PIEZO2: variants seen among roughly 807,000 people sequenced by gnomAD.
PIEZO2 encodes the protein piezo-type mechanosensitive ion channel component 2.
PIEZO2 carries 172 observed loss-of-function variants against 337.3 expected under a neutral mutation model. That is an observed-to-expected ratio of 0.51 (90% CI 0.45 to 0.58). PIEZO2 has a LOEUF of 0.58. Ranked by LOEUF, PIEZO2 falls within the 20% of genes least tolerant of loss-of-function variation. The pLI, the probability that PIEZO2 is intolerant of heterozygous loss-of-function variation, is 0.00. For synonymous variants in PIEZO2, 1,251 were observed against 1,228.5 expected (o/e 1.02, Z -0.38); for missense variants, 3,028 against 3,391.3 (o/e 0.89, Z 2.66).
rs2034714462 is a variant in PIEZO2 at position 10,689,695 on chromosome 18, G to A, written c.7457C>T (p.Ala2486Val). ...SSWICVEDIY[A>V]HIFILKCWRE... ...CCAACACTTCAGGATGAATATGTGA[G>A]CATAGATGTCCTCCACACAGATCCA... The change falls in exon 49 of 56, where the codon GCT (alanine) becomes GTT (valine). Residue 2486 changes from alanine (A) to valine (V), a missense_variant. Physicochemically the swap from Ala to Val is moderately conservative, Grantham distance 64. This residue lies in a region of PIEZO2 where 179 missense variants were observed against 281.8 expected (regional missense o/e 0.64). Coordinates refer to ENST00000674853, the MANE Select transcript of PIEZO2 (RefSeq NM_001378183.1). The A allele has an allele frequency of 6.2e-7, 1 of 1,614,134 alleles. No individual in the cohort carries two copies. The highest frequency in any genetic ancestry group is 1.7e-5 in the Admixed American group (1 of 60,006).
intron 36 of PIEZO2, among the ~76,000 whole-genome samples, chr18:10,722,561 G>A (rs2036363102): frequency 6.6e-6 from 1 of 151,714 alleles, no homozygotes; most frequent in Non-Finnish European, 1.5e-5. Flanking sequence ...ATGGAAACCT[G>A]GAAACTGCAA....
rs1182000885 is a variant in PIEZO2, at chr18:10,671,689, T to C, written c.8436A>G (p.Glu2812=). Residue 2812 remains glutamate (E), a synonymous_variant, in exon 56 of 56, where the codon GAA becomes GAG. Transcript: ENST00000674853. ...AAATTCGATCCACATTTGGAAGCTC[T>C]TCAAACATGATGGAGTGAGAAATCC... ...FSGISHSIMF[E]ELPNVDRILK... is the part of the protein sequence containing the mutation. 4 of 1,613,938 alleles carry C rather than the reference T, an allele frequency of 2.5e-6. No homozygotes were observed. Among genetic ancestry groups the C allele is most frequent in the Non-Finnish European group, 3.4e-6 (4 of 1,180,000 alleles).
rs1356169522 is a variant in PIEZO2, at chr18:10,673,631, G to A, written c.8162-758C>T. Among the ~76,000 whole-genome samples the A allele has an allele frequency of 6.6e-6, 1 of 152,178 alleles. No individual in the cohort carries two copies. The highest frequency in any genetic ancestry group is 1.5e-5 in the Non-Finnish European group (1 of 68,028). The stretch of plus-strand genomic sequence containing the variant: ...TGGAGTTTAGGGTGAATGCAAAAGA[G>A]TTGTAAAAGATAGGGTAAAAAGCTT... On this transcript the variant is annotated intron_variant, in intron 54 of 55. Transcript: ENST00000674853. The surrounding 1 kb of genome is among the most constrained non-coding windows in gnomAD (Gnocchi z 4.8).
intron 2 of PIEZO2, among the ~76,000 whole-genome samples, chr18:11,004,480 G>A (rs2035652694): frequency 6.6e-6 from 1 of 152,174 alleles, no homozygotes; most frequent in African/African-American, 2.4e-5. Flanking sequence ...TGAGTAATTT[G>A]TTTGATGATT....
chr18:10,684,072 TC>T (rs2034401435), intron 49 of PIEZO2, among the ~76,000 whole-genome samples: 2 of 126,258 alleles, frequency 1.6e-5, no homozygotes, highest in Non-Finnish European at 3.4e-5. Context: ...CTTCCTTCCT[TC>T]CTTTTTCCTT....
chr18:10,881,849 C>T (rs2042428863), intron 4 of PIEZO2, among the ~76,000 whole-genome samples: 1 of 152,168 alleles, frequency 6.6e-6, no homozygotes, highest in African/African-American at 2.4e-5. Context: ...CCAAAGTCCT[C>T]CCTCAGCCTG....
chr18:11,073,075 C>T (rs1403418558), intron 1 of PIEZO2, among the ~76,000 whole-genome samples: 1 of 152,200 alleles, frequency 6.6e-6, no homozygotes, highest in African/African-American at 2.4e-5. Context: ...AGGAAGATTT[C>T]CTATGATTAA....
chr18:10,697,805 A>G lies in PIEZO2; in HGVS notation c.6770T>C (p.Leu2257Pro). 6.2e-7 allele frequency: 1 copy of G among 1,614,212 alleles called. No individual in the cohort carries two copies. Among genetic ancestry groups the G allele is most frequent in the Non-Finnish European group, 8.5e-7 (1 of 1,180,034 alleles). Residue 2257 changes from leucine to proline, a missense_variant, in exon 45 of 56, where the codon CTT becomes CCT. Coordinates refer to ENST00000674853, the MANE Select transcript of PIEZO2 (RefSeq NM_001378183.1). ...ATGTTCTTGAAGCTTTTCCATATAAAGTTCCCTTTTGCCTTTTTGCTTAAT... is the reference window on the plus strand; with the variant it reads ...ATGTTCTTGAAGCTTTTCCATATAAGGTTCCCTTTTGCCTTTTTGCTTAAT... ...LSIKQKGKRE[L>P]YMEKLQEHLI... is the part of the protein sequence containing the mutation.
chr18:10,858,318 A>ACCCC (rs553141588), intron 5 of PIEZO2, among the ~76,000 whole-genome samples: 9 of 78,038 alleles, frequency 1.2e-4, no homozygotes, highest in African/African-American at 4.7e-4. Flanking sequence ...CGAGACTTCA[A>ACCCC]CCCAAAAAAA....
chr18:11,034,298 T>C (rs1311666087), intron 2 of PIEZO2, among the ~76,000 whole-genome samples: 1 of 150,278 alleles, frequency 6.7e-6, no homozygotes, highest in Non-Finnish European at 1.5e-5. Flanking sequence ...TCTTTTCTTT[T>C]CTTTTTTTTT....
intron 39 of PIEZO2, chr18:10,709,382 G>A (rs1598385242): frequency 1.3e-5 from 2 of 152,252 alleles, no homozygotes; most frequent in Admixed American, 1.3e-4. Flanking sequence ...CAACCCCAAA[G>A]AGGGACAGAC....
rs1313384629 is a variant in PIEZO2, at chr18:10,800,387, T to A, written c.1328A>T (p.Asp443Val). Reference sequence around the variant, plus strand: ...CCGGTACTGAGGGGTGGAGTAGAGGTCGGCTTTGCCAGGGCCGTTCTCCAT... The same window carrying A: ...CCGGTACTGAGGGGTGGAGTAGAGGACGGCTTTGCCAGGGCCGTTCTCCAT... ...LPMENGPGKADLYSTPQYRWE... is the reference protein window; with the variant it reads ...LPMENGPGKAVLYSTPQYRWE... Residue 443 changes from aspartate (D) to valine (V), a missense_variant, in exon 11 of 56, where the codon GAC (aspartate) becomes GTC (valine). Coordinates refer to ENST00000674853, the MANE Select transcript of PIEZO2 (RefSeq NM_001378183.1). 5 of 1,534,526 alleles carry A rather than the reference T, an allele frequency of 3.3e-6. No individual in the cohort carries two copies. Among genetic ancestry groups the A allele is most frequent in the Non-Finnish European group, 4.4e-6 (5 of 1,145,636 alleles).
intron 4 of PIEZO2, among the ~76,000 whole-genome samples, chr18:10,896,885 G>T (rs1382021784): frequency 1.3e-5 from 2 of 152,154 alleles, no homozygotes; most frequent in Non-Finnish European, 2.9e-5. Context: ...GTGAGGTGTG[G>T]TATGCAGGAT....
At chr18:10,995,133 T>C (rs956677779) in intron 2 of PIEZO2, among the ~76,000 whole-genome samples, 3 of 149,110 alleles carry the variant, frequency 2.0e-5, no homozygotes, top group Admixed American at 6.7e-5. Context: ...CATGCCAACA[T>C]CTATTTTTTT....
intron 39 of PIEZO2, among the ~76,000 whole-genome samples, chr18:10,711,087 A>C (rs544673186): frequency 3.9e-5 from 6 of 152,360 alleles, no homozygotes; most frequent in African/African-American, 1.4e-4. Flanking sequence ...GCAATCGATG[A>C]ATTTAAATAT....
chr18:11,013,122 A>G (rs1379891460), intron 2 of PIEZO2, among the ~76,000 whole-genome samples: 1 of 152,208 alleles, frequency 6.6e-6, no homozygotes, highest in Admixed American at 6.5e-5. Flanking sequence ...GAACCTGTGA[A>G]TATGTTACTT....
In PIEZO2 at chr18:10,773,760, A is replaced by T; in HGVS notation, c.2568-131T>A. The T allele has an allele frequency of 2.3e-6, 2 of 854,056 alleles. No individual in the cohort carries two copies. Among genetic ancestry groups the T allele is most frequent in the Non-Finnish European group, 3.6e-6 (2 of 561,740 alleles). 52.9% of individuals were successfully genotyped at this position (854,056 alleles called of 1,614,324 possible). On this transcript the variant is annotated intron_variant, in intron 19 of 55. Coordinates refer to ENST00000674853, the MANE Select transcript of PIEZO2 (RefSeq NM_001378183.1). The surrounding 1 kb of genome is among the most constrained non-coding windows in gnomAD (Gnocchi z 5.3). ...CAAAGACCTCACAAGGTGGGGTGTT[A>T]GCGTTTTGTCACTTTCTTTTTGGTT...
intron 2 of PIEZO2, among the ~76,000 whole-genome samples, chr18:11,010,689 A>G (rs1433436911): frequency 6.6e-6 from 1 of 152,184 alleles, no homozygotes; most frequent in African/African-American, 2.4e-5. Context: ...GGGATAGGCA[A>G]AGATATTCAG....
At chr18:10,786,620 G>T (rs1481578750) in intron 16 of PIEZO2, among the ~76,000 whole-genome samples, 1 of 152,206 alleles carries the variant, frequency 6.6e-6, no homozygotes, top group East Asian at 1.9e-4. Context: ...AGCACTTGGA[G>T]AAATTTATTT....
Sources: allele counts gnomAD v4.1 joint callset (sites outside exome capture counted in the v4.1 genomes callset), GRCh38; gene constraint gnomAD v4.1.1; regional missense constraint gnomAD v4.1.1; non-coding constraint Gnocchi (gnomAD v3.1); transcripts MANE v1.5; gene names NCBI Gene and HGNC (gene_info 2026-07-23, HGNC 2026-07-21).